The following SPAG16 variants were observed in gnomAD, a reference collection of about 807,000 sequenced individuals.
SPAG16 encodes sperm-associated antigen 16 protein.
SPAG16 carries 86 observed loss-of-function variants against 80.4 expected under a neutral mutation model. The ratio of observed to expected loss-of-function variants is 1.07; its 90% CI spans 0.90 to 1.28. The LOEUF is 1.28. Ranked by LOEUF, SPAG16 falls within the 50% of genes most tolerant of loss-of-function variation. The probability of loss-of-function intolerance (pLI) is 0.00; values close to 1 mark genes in which losing one functional copy is unlikely to be tolerated. For missense variants in SPAG16, 870 were observed against 765.3 expected (o/e 1.14, Z -1.61); for synonymous variants, 294 against 265.9 (o/e 1.11, Z -1.03).
At chr2:213,763,205 T>C (rs2125527879) in intron 10 of SPAG16, among the ~76,000 whole-genome samples, 1 of 147,692 alleles carries the variant, frequency 6.8e-6, no homozygotes, top group East Asian at 2.0e-4. Flanking sequence ...GTAGCCTCAA[T>C]GGAAAACTGT....
At chr2:214,368,979 G>A (rs1430018091) in intron 15 of SPAG16, among the ~76,000 whole-genome samples, 1 of 151,720 alleles carries the variant, frequency 6.6e-6, no homozygotes, top group Admixed American at 6.6e-5. Flanking sequence ...CGCCCTTTTG[G>A]ATTTGCTTCT....
intron 14 of SPAG16, among the ~76,000 whole-genome samples, chr2:214,125,999 T>TTTCC (rs869163622): frequency 2.6e-4 from 24 of 91,672 alleles, no homozygotes; most frequent in African/African-American, 9.6e-4. Flanking sequence ...TCCTTCCTTC[T>TTTCC]TTCCTTCCTT....
chr2:213,672,216 G>A (rs922993501), intron 10 of SPAG16, among the ~76,000 whole-genome samples: 1 of 151,300 alleles, frequency 6.6e-6, no homozygotes, highest in African/African-American at 2.4e-5. Context: ...CCTTTCCAGG[G>A]GCCTAGTACT....
chr2:213,854,983 G>A (rs1042176455), intron 10 of SPAG16, among the ~76,000 whole-genome samples: 7 of 152,208 alleles, frequency 4.6e-5, no homozygotes, highest in Non-Finnish European at 8.8e-5. Flanking sequence ...AGTTACAACA[G>A]ATAACATATG....
chr2:214,040,468 T>G (rs2048947270), intron 13 of SPAG16, among the ~76,000 whole-genome samples: 1 of 152,090 alleles, frequency 6.6e-6, no homozygotes, highest in Non-Finnish European at 1.5e-5. Flanking sequence ...ATCCCCGGTG[T>G]GTATTGTTCC....
At chr2:214,274,465 T>C (rs1692292800) in intron 15 of SPAG16, among the ~76,000 whole-genome samples, 1 of 152,204 alleles carries the variant, frequency 6.6e-6, no homozygotes, top group Non-Finnish European at 1.5e-5. Context: ...TTGAGATATG[T>C]TCCAGCAATA....
chr2:213,815,263 C>T (rs1422196368), intron 10 of SPAG16, among the ~76,000 whole-genome samples: 1 of 152,046 alleles, frequency 6.6e-6, no homozygotes, highest in Non-Finnish European at 1.5e-5. Context: ...ATTAATATGA[C>T]ATTCTAGAAA....
chr2:213,475,862 A>G (rs1248745095), intron 9 of SPAG16, among the ~76,000 whole-genome samples: 1 of 152,220 alleles, frequency 6.6e-6, no homozygotes, highest in African/African-American at 2.4e-5. Context: ...ATGTCTTCCA[A>G]AAGGAAAAAA....
At chr2:213,398,526 T>G (rs1056404124) in intron 9 of SPAG16, among the ~76,000 whole-genome samples, 1 of 152,198 alleles carries the variant, frequency 6.6e-6, no homozygotes, top group East Asian at 1.9e-4. Flanking sequence ...ACCTTGAGGC[T>G]CTTGCACTTG....
rs1559184945 is a variant in SPAG16, at chr2:213,489,949, A to AT, written c.943-7dup. On this transcript the variant is annotated splice_polypyrimidine_tract_variant and intron_variant, in intron 9 of 15. Transcript: ENST00000331683. ...ATATTTAACACAGAGCTCTTGTTTA[A>AT]TTTTTTTCTCTAGGATTCAGAATTT... 5 of 1,588,800 alleles carry AT rather than the reference A, an allele frequency of 3.1e-6. No individual in the cohort carries two copies. The highest frequency in any genetic ancestry group is 4.3e-6 in the Non-Finnish European group (5 of 1,169,648).
chr2:214,207,649 T>A (rs545353438), intron 15 of SPAG16, among the ~76,000 whole-genome samples: 1 of 152,336 alleles, frequency 6.6e-6, no homozygotes, highest in African/African-American at 2.4e-5. Context: ...GATGCCTAGA[T>A]AGCTGGTAAA....
chr2:213,429,680 C>A (rs1575569769), intron 9 of SPAG16, among the ~76,000 whole-genome samples: 1 of 152,130 alleles, frequency 6.6e-6, no homozygotes, highest in Non-Finnish European at 1.5e-5. Context: ...CCACCTGGTA[C>A]ACCACTACTA....
At chr2:213,961,483 G>C (rs572856845) in intron 12 of SPAG16, among the ~76,000 whole-genome samples, 6 of 151,540 alleles carry the variant, frequency 4.0e-5, no homozygotes, top group African/African-American at 1.5e-4. Flanking sequence ...CCTTATTTTA[G>C]GATGAAAACT....
chr2:214,287,383 G>T (rs1693442900), intron 15 of SPAG16, among the ~76,000 whole-genome samples: 1 of 152,160 alleles, frequency 6.6e-6, no homozygotes, highest in African/African-American at 2.4e-5. Context: ...ACAGTTCTCA[G>T]ATTTATTATT....
intron 10 of SPAG16, among the ~76,000 whole-genome samples, chr2:213,556,297 C>CA (rs35316956): frequency 0.42 from 33,332 of 78,784 alleles, 4,802 homozygotes; most frequent in Non-Finnish European, 0.47. Flanking sequence ...CTGAATGGGT[C>CA]AAAAAAAAAA....
In SPAG16 at chr2:214,076,986, G is replaced by A. The variant is rs1161672747; in HGVS notation, c.1528-31210G>A. Among the ~76,000 whole-genome samples the A allele has an allele frequency of 1.3e-5, 2 of 152,128 alleles. 1 individual carries two copies. On this transcript the variant is annotated intron_variant, in intron 13 of 15. Transcript: ENST00000331683. ...AATGGAAGCTTTGGAAATGAACCCA[G>A]GCCGCCTGGAGGAGTGTGCAGCATG...
At chr2:213,827,534 A>G (rs2073377038) in intron 10 of SPAG16, among the ~76,000 whole-genome samples, 1 of 151,518 alleles carries the variant, frequency 6.6e-6, no homozygotes, top group Non-Finnish European at 1.5e-5. Context: ...CTGTTTTTCT[A>G]CTTAACATAT....
intron 9 of SPAG16, among the ~76,000 whole-genome samples, chr2:213,431,608 CA>C (rs2070305737): frequency 6.6e-6 from 1 of 151,800 alleles, no homozygotes; most frequent in Admixed American, 6.6e-5. Flanking sequence ...ATTCATAAAA[CA>C]AATATTACTA....
At chr2:213,576,069 G>T (rs2060113679) in intron 10 of SPAG16, among the ~76,000 whole-genome samples, 1 of 152,120 alleles carries the variant, frequency 6.6e-6, no homozygotes, top group Admixed American at 6.6e-5. Flanking sequence ...TTACAGTTAA[G>T]TCTTTAATCC....
Sources: gnomAD v4.1 joint callset for allele counts (sites outside exome capture counted in the v4.1 genomes callset) on GRCh38, gnomAD v4.1.1 for gene constraint, MANE v1.5 for transcripts, NCBI Gene and HGNC (gene_info 2026-07-23, HGNC 2026-07-21) for gene names.